The following SLC1A4 variants were observed in gnomAD, a reference collection of about 807,000 sequenced individuals.
SLC1A4 encodes the protein solute carrier family 1 member 4.
SLC1A4 carries 19 observed loss-of-function variants against 37.7 expected under a neutral mutation model. The observed-to-expected ratio is 0.50, with a 90% CI of 0.35 to 0.74. The LOEUF is 0.74. Ranked by LOEUF, SLC1A4 falls within the 30% of genes least tolerant of loss-of-function variation. The pLI is 0.01. For synonymous variants in SLC1A4, 299 were observed against 309.8 expected, an observed-to-expected ratio of 0.97 and a Z score of 0.37; for missense variants, 570 against 712.9, an observed-to-expected ratio of 0.80 and a Z score of 2.28.
At chr2:65,002,234 C>T (rs1188410591) in intron 2 of SLC1A4, among the ~76,000 whole-genome samples, 5 of 145,310 alleles carry the variant, frequency 3.4e-5, no homozygotes, top group Non-Finnish European at 7.6e-5. Flanking sequence ...GAGCCGAGAT[C>T]ACACCACTGT....
At chr2:65,010,335 TTCC>T (rs1673865517) in intron 3 of SLC1A4, among the ~76,000 whole-genome samples, 1 of 152,226 alleles carries the variant, frequency 6.6e-6, no homozygotes, top group Non-Finnish European at 1.5e-5. Context: ...GCCCACTACC[TTCC>T]ACTTTAACCT....
In SLC1A4 at chr2:64,989,728, G is replaced by A. The variant is rs1362289178; in HGVS notation, c.85G>A (p.Ala29Thr). The change falls in exon 1 of 8, where the codon GCG becomes ACG. Residue 29 changes from alanine (A) to threonine (T), a missense_variant. Transcript: ENST00000234256. Reference sequence around the variant, plus strand: ...CGGGCCCGGAGCTCCGGGGACCGCGGCGGGACGCGCACGGCGTTGCGCGGG... The same window carrying A: ...CGGGCCCGGAGCTCCGGGGACCGCGACGGGACGCGCACGGCGTTGCGCGGG... ...AAGPGAPGTA[A>T]GRARRCAGFL... 2 of 1,478,372 alleles carry A rather than the reference G, an allele frequency of 1.4e-6. No individual in the cohort carries two copies. The highest frequency in any genetic ancestry group is 8.9e-7 in the Non-Finnish European group (1 of 1,119,522). 91.6% of individuals were successfully genotyped at this position (1,478,372 alleles called of 1,614,324 possible). A position where few individuals can be genotyped will look rare whatever the true frequency, so the allele number is the denominator to read the frequency against.
intron 2 of SLC1A4, among the ~76,000 whole-genome samples, chr2:65,002,565 CCATT>C (rs1422974723): frequency 1.4e-5 from 2 of 138,960 alleles, no homozygotes; most frequent in Non-Finnish European, 3.1e-5. Flanking sequence ...AGTCCTGTGA[CCATT>C]CTTTTTTTTT....
intron 1 of SLC1A4, among the ~76,000 whole-genome samples, chr2:64,992,980 A>C (rs1176986740): frequency 1.3e-5 from 2 of 152,240 alleles, no homozygotes; most frequent in African/African-American, 4.8e-5. Context: ...TCTGACATCA[A>C]AATTAAAAAA....
chr2:65,010,617 A>G lies in SLC1A4; in HGVS notation c.654A>G (p.Ile218Met). 1 of 1,612,438 alleles carries G rather than the reference A, an allele frequency of 6.2e-7. No homozygotes were observed. The highest frequency in any genetic ancestry group is 1.1e-5 in the South Asian group (1 of 90,848). ...THEKIPIGTE[I>M]EGMNILGLVL... is the part of the protein sequence containing the mutation. ...TGCAGATCCCCATAGGCACTGAGAT[A>G]GAAGGGATGAACATTTTAGGATTGG... The change falls in exon 4 of 8, where the codon ATA (isoleucine) becomes ATG (methionine). Residue 218 changes from isoleucine (I) to methionine (M), a missense_variant. Coordinates refer to ENST00000234256, the MANE Select transcript of SLC1A4 (RefSeq NM_003038.5).
chr2:65,008,058 A>G (rs1673756815), intron 3 of SLC1A4, among the ~76,000 whole-genome samples: 1 of 152,204 alleles, frequency 6.6e-6, no homozygotes, highest in South Asian at 2.1e-4. Flanking sequence ...TAGCTCCCAC[A>G]TATGAGAACA....
chr2:64,990,424 G>T (rs1009680416), intron 1 of SLC1A4, among the ~76,000 whole-genome samples: 3 of 152,126 alleles, frequency 2.0e-5, no homozygotes, highest in Non-Finnish European at 4.4e-5. Context: ...AGTCCCCACC[G>T]TTAGGTGGGC....
At chr2:64,997,358 C>T (rs567025535) in intron 1 of SLC1A4, among the ~76,000 whole-genome samples, 1 of 152,108 alleles carries the variant, frequency 6.6e-6, no homozygotes, top group Non-Finnish European at 1.5e-5. Flanking sequence ...AATAAATGCA[C>T]CCACTTTAAA....
In SLC1A4 at chr2:65,021,426, C is replaced by T. The variant is rs1239046294; in HGVS notation, c.*280C>T. On this transcript the variant is annotated 3_prime_UTR_variant, in exon 8 of 8. Transcript: ENST00000234256. ...TGTTTGGAAACAACCCCTTGAGCTG[C>T]CAGGCTCAAGAAATCATGGACTCAC... 3 of 447,264 alleles carry T rather than the reference C, an allele frequency of 6.7e-6. No homozygotes were observed. The East Asian group carries it at 1.2e-4, about 17-fold the overall frequency. The allele number at this position is 447,264 out of a possible 1,614,324, so 27.7% of individuals were successfully genotyped here.
upstream of SLC1A4, chr2:64,988,663 C>G (rs1333064033): frequency 1.3e-5 from 2 of 152,310 alleles, no homozygotes; most frequent in African/African-American, 4.8e-5. Context: ...GCGAAGGCTC[C>G]CCTTATTCAT....
At chr2:64,992,301 ACTT>A (rs1443331217) in intron 1 of SLC1A4, among the ~76,000 whole-genome samples, 1 of 152,000 alleles carries the variant, frequency 6.6e-6, no homozygotes, top group Non-Finnish European at 1.5e-5. Flanking sequence ...TCCTGAAGGG[ACTT>A]CTTGTTTCCT....
intron 4 of SLC1A4, among the ~76,000 whole-genome samples, 156 bp from the exon 5 acceptor site, chr2:65,016,284 A>T (rs559950100): frequency 1.2e-4 from 18 of 152,270 alleles, no homozygotes; most frequent in Admixed American, 1.2e-3. Flanking sequence ...TAAAATGGGG[A>T]TGGTATAACC....
At chr2:65,001,172 G>A (rs1428303386) in intron 1 of SLC1A4, 1 of 360,670 alleles carries the variant, frequency 2.8e-6, no homozygotes, top group Admixed American at 4.6e-5. Context: ...GCTAGGGGTG[G>A]AGAGAGAACA....
At chr2:65,016,752 C>A (rs987304949) in intron 5 of SLC1A4, 79 bp downstream of exon 5, 1 of 903,420 alleles carries the variant, frequency 1.1e-6, no homozygotes, top group South Asian at 1.4e-5. Flanking sequence ...AGATGCACAA[C>A]CAGTGTCTTG....
chr2:64,994,715 A>G (rs1673185379), intron 1 of SLC1A4: 1 of 151,872 alleles, frequency 6.6e-6, no homozygotes, highest in Admixed American at 6.6e-5. Context: ...AAAAAAAACT[A>G]TCAGAGACTG....
At position 65,022,580 on chromosome 2, in the gene SLC1A4, C is replaced by T. The variant is rs1008410519; in HGVS notation, c.*1434C>T. The T allele has an allele frequency of 8.8e-6, 1 of 114,268 alleles. No homozygotes were observed. Among genetic ancestry groups the T allele is most frequent in the Admixed American group, 8.3e-5 (1 of 12,006 alleles). The allele number at this position is 114,268 out of a possible 1,614,324, so 7.1% of individuals were successfully genotyped here. A position where few individuals can be genotyped will look rare whatever the true frequency, so the allele number is the denominator to read the frequency against. ...TAAGGGACAGCTTTCTCCACAGAGT[C>T]CTTTCTGCTGGTGAGGACAGCATTT... On this transcript the variant is annotated 3_prime_UTR_variant, in exon 8 of 8. Transcript: ENST00000234256.
intron 4 of SLC1A4, 25 bp downstream of exon 4, chr2:65,010,788 C>G: frequency 1.3e-6 from 2 of 1,595,450 alleles, no homozygotes; most frequent in Non-Finnish European, 1.7e-6. Flanking sequence ...GCTGCCTACT[C>G]TCTCTCTCCT....
intron 4 of SLC1A4, among the ~76,000 whole-genome samples, chr2:65,015,812 T>C (rs1174137967): frequency 6.6e-6 from 1 of 152,256 alleles, no homozygotes; most frequent in Non-Finnish European, 1.5e-5. Context: ...CCTGAATTTA[T>C]ATTAATTCAA....
At position 65,022,214 on chromosome 2, in the gene SLC1A4, C is replaced by T. The variant is rs560636693; in HGVS notation, c.*1068C>T. 6.6e-6 allele frequency: 1 copy of T among 152,284 alleles called. No homozygotes were observed. The highest frequency in any genetic ancestry group is 1.5e-5 in the Non-Finnish European group (1 of 68,050). The allele number at this position is 152,284 out of a possible 1,614,324, so 9.4% of individuals were successfully genotyped here. A position where few individuals can be genotyped will look rare whatever the true frequency, so the allele number is the denominator to read the frequency against. ...CCCCATTCACAGGTTCCCAGGTCCC[C>T]TGGCTTTGGCTGATTTCAAAATATA... On this transcript the variant is annotated 3_prime_UTR_variant, in exon 8 of 8. Transcript: ENST00000234256.
Sources: allele counts gnomAD v4.1 joint callset (sites outside exome capture counted in the v4.1 genomes callset), GRCh38; gene constraint gnomAD v4.1.1; transcripts MANE v1.5; gene names NCBI Gene and HGNC (gene_info 2026-07-23, HGNC 2026-07-21).